The following LNP1 variants were observed in gnomAD, a reference collection of about 807,000 sequenced individuals.
The protein encoded by LNP1 is leukemia NUP98 fusion partner 1.
In LNP1, 12 loss-of-function variants were observed where a neutral mutation model predicts 14.5. The observed-to-expected ratio is 0.83, with a 90% CI of 0.53 to 1.34. The LOEUF is 1.34. LNP1 is among the 40% of genes most tolerant of loss of function. LNP1 has a pLI of 0.00. For synonymous variants in LNP1, 75 were observed against 71.4 expected (o/e 1.05, Z -0.26); for missense variants, 198 against 210.9 (o/e 0.94, Z 0.38).
intron 2 of LNP1, among the ~76,000 whole-genome samples, chr3:100,450,768 C>A (rs184314173): frequency 1.3e-5 from 2 of 152,306 alleles, no homozygotes; most frequent in African/African-American, 4.8e-5. Flanking sequence ...ACAAAAACAA[C>A]ACCTCATCTT....
chr3:100,447,085 G>C (rs572140797), intron 2 of LNP1, among the ~76,000 whole-genome samples: 12 of 152,108 alleles, frequency 7.9e-5, no homozygotes, highest in Non-Finnish European at 1.0e-4. Context: ...TTGACCCAGC[G>C]ATCCCATTAC....
chr3:100,418,113 G>A (rs1559841120), intron 1 of LNP1, among the ~76,000 whole-genome samples: 1 of 143,492 alleles, frequency 7.0e-6, no homozygotes, highest in South Asian at 2.2e-4. Flanking sequence ...TGGCTGGAGT[G>A]CAGTGGTGTG....
chr3:100,433,012 G>A (rs1352458806), intron 2 of LNP1, among the ~76,000 whole-genome samples: 1 of 152,116 alleles, frequency 6.6e-6, no homozygotes, highest in Non-Finnish European at 1.5e-5. Flanking sequence ...TACTTTGAAG[G>A]ATACAGAATA....
chr3:100,429,021 C>A (rs750414421), intron 1 of LNP1, among the ~76,000 whole-genome samples: 1 of 152,172 alleles, frequency 6.6e-6, no homozygotes, highest in African/African-American at 2.4e-5. Context: ...TCTTTACCTG[C>A]ATGGTGGTGG....
chr3:100,419,404 A>G (rs1272931806), intron 1 of LNP1, among the ~76,000 whole-genome samples: 6 of 152,230 alleles, frequency 3.9e-5, no homozygotes, highest in Non-Finnish European at 8.8e-5. Flanking sequence ...GACATCTTGT[A>G]TAACTATAGT....
intron 1 of LNP1, among the ~76,000 whole-genome samples, chr3:100,412,980 G>A (rs1025604444): frequency 2.0e-5 from 3 of 152,210 alleles, no homozygotes; most frequent in African/African-American, 7.2e-5. Context: ...GTTTCTAACT[G>A]ATATTGTTGT....
At chr3:100,454,590 T>C (rs1707491186) in intron 3 of LNP1, among the ~76,000 whole-genome samples, 1 of 152,232 alleles carries the variant, frequency 6.6e-6, no homozygotes, top group Admixed American at 6.5e-5. Context: ...TTCTTTCATT[T>C]TGATATTTAA....
Position 100,431,992 on chromosome 3 carries a change from TTATATA to T in LNP1, c.156+2163_156+2168del, listed in dbSNP as rs66513332. Among the ~76,000 whole-genome samples the T allele has an allele frequency of 2.1e-3, 74 of 34,586 alleles. 1 individual carries two copies. The highest frequency in any genetic ancestry group is 3.5e-3 in the Admixed American group (8 of 2,270). 22.7% of individuals were successfully genotyped at this position (34,586 alleles called of 152,430 possible). On this transcript the variant is annotated intron_variant, in intron 2 of 3. Coordinates refer to ENST00000383693, the MANE Select transcript of LNP1 (RefSeq NM_001085451.2). The stretch of plus-strand genomic sequence containing the variant: ...CCTGGGTAACAGAATGAGACCTTGT[TTATATA>T]TATATATATATATATATATATATAT...
rs531954041 is a variant in LNP1, at chr3:100,416,849, C to T, written c.-33-12848C>T. ...TCATCTAGGTTTTAAGCCCCGCATG[C>T]ATTAGGTATTTGTCCTAATGCTCTC... On this transcript the variant is annotated intron_variant, in intron 1 of 3. Coordinates refer to ENST00000383693, the MANE Select transcript of LNP1 (RefSeq NM_001085451.2). Among the ~76,000 whole-genome samples the T allele has an allele frequency of 1.9e-3, 289 of 151,738 alleles. 1 individual carries two copies. The highest frequency in any genetic ancestry group is 6.6e-3 in the African/African-American group (272 of 41,360).
Position 100,429,837 on chromosome 3 carries a change from C to A in LNP1, c.108C>A (p.Arg36=), listed in dbSNP as rs370598000. The A allele has an allele frequency of 3.1e-6, 5 of 1,613,860 alleles. No individual in the cohort carries two copies. The African/African-American group carries it at 6.7e-5, about 22-fold the overall frequency. The change falls in exon 2 of 4, where the codon CGC becomes CGA. Residue 36 remains arginine (R), a synonymous_variant. Transcript: ENST00000383693. ...REEDQRGLRE[R]HRLQATSHRK... ...AGGATCAGAGAGGACTCCGGGAACG[C>A]CACCGACTGCAAGCCACCAGTCACA...
At chr3:100,409,589 C>CATAT (rs1234148613) in intron 1 of LNP1, among the ~76,000 whole-genome samples, 6 of 98,414 alleles carry the variant, frequency 6.1e-5, no homozygotes, top group African/African-American at 3.1e-4. Context: ...CACACACACA[C>CATAT]ACATATATAT....
chr3:100,412,041 C>T (rs1048154443), intron 1 of LNP1, among the ~76,000 whole-genome samples: 11 of 152,072 alleles, frequency 7.2e-5, no homozygotes, highest in East Asian at 3.9e-4. Context: ...ACAGAATACC[C>T]GAGGCTGGGT....
At chr3:100,435,721 T>A (rs1249145409) in intron 2 of LNP1, among the ~76,000 whole-genome samples, 1 of 151,876 alleles carries the variant, frequency 6.6e-6, no homozygotes, top group Admixed American at 6.6e-5. Context: ...CATGCAACAG[T>A]TTATAGGAGG....
chr3:100,449,481 G>T (rs1236916213), intron 2 of LNP1, among the ~76,000 whole-genome samples: 1 of 152,114 alleles, frequency 6.6e-6, no homozygotes, highest in Non-Finnish European at 1.5e-5. Context: ...TTTCGTTAAA[G>T]AACCCTGGGC....
intron 2 of LNP1, among the ~76,000 whole-genome samples, chr3:100,435,772 TG>T: frequency 6.6e-6 from 1 of 152,282 alleles, no homozygotes; most frequent in Non-Finnish European, 1.5e-5. Flanking sequence ...CACAGTTCTG[TG>T]GACACAGGAA....
intron 2 of LNP1, among the ~76,000 whole-genome samples, chr3:100,431,183 A>G (rs76595659): frequency 0.038 from 5,723 of 152,302 alleles, 386 homozygotes; most frequent in East Asian, 0.31. Context: ...TGGCCTCTTG[A>G]AGCCACAGGA....
intron 2 of LNP1, among the ~76,000 whole-genome samples, chr3:100,438,742 A>C (rs1252600817): frequency 2.6e-5 from 4 of 152,124 alleles, no homozygotes; most frequent in Non-Finnish European, 4.4e-5. Context: ...GAGTCAGTGT[A>C]CAGGGCAGTC....
intron 1 of LNP1, among the ~76,000 whole-genome samples, chr3:100,416,941 C>T (rs1328007058): frequency 1.3e-5 from 2 of 152,106 alleles, no homozygotes; most frequent in African/African-American, 2.4e-5. Flanking sequence ...TCATCTTGAC[C>T]TGTCCCATTC....
intron 1 of LNP1, among the ~76,000 whole-genome samples, chr3:100,405,226 T>C (rs536194719): frequency 1.3e-5 from 2 of 152,356 alleles, no homozygotes; most frequent in South Asian, 4.1e-4. Flanking sequence ...GTTGTATTTA[T>C]ATACACACAT....
Sources: allele counts gnomAD v4.1 joint callset (sites outside exome capture counted in the v4.1 genomes callset), GRCh38; gene constraint gnomAD v4.1.1; transcripts MANE v1.5; gene names NCBI Gene and HGNC (gene_info 2026-07-23, HGNC 2026-07-21).